Variants in COG7 observed in about 807,000 individuals in gnomAD.
The protein encoded by COG7 is conserved oligomeric Golgi complex subunit 7.
A neutral mutation model predicts 91.5 loss-of-function variants in COG7; 49 were observed. That is an observed-to-expected ratio of 0.54 (90% CI 0.43 to 0.68). COG7 has a LOEUF of 0.68. Among genes scored for constraint, COG7 ranks in the 30% least tolerant of loss-of-function variants. The pLI, the probability that COG7 is intolerant of heterozygous loss-of-function variation, is 0.00. For missense variants in COG7, 895 were observed against 961.3 expected, an observed-to-expected ratio of 0.93 and a Z score of 0.91; for synonymous variants, 365 against 388.7, an observed-to-expected ratio of 0.94 and a Z score of 0.72.
chr16:23,389,245 C>G (rs1963148521), intron 16 of COG7, among the ~76,000 whole-genome samples, 159 bp from the exon 17 acceptor site: 1 of 152,122 alleles, frequency 6.6e-6, no homozygotes, highest in Non-Finnish European at 1.5e-5. Context: ...CTTTACTCAC[C>G]AGGTTCTTCC....
At chr16:23,440,604 T>C (rs1964085401) in intron 4 of COG7, among the ~76,000 whole-genome samples, 1 of 151,688 alleles carries the variant, frequency 6.6e-6, no homozygotes, top group African/African-American at 2.4e-5. Context: ...ACTACAAGCG[T>C]GCGCTACCAT....
chr16:23,424,892 GC>G lies in COG7; in HGVS notation c.865del (p.Ala289ProfsTer54), dbSNP rs1567340176. 2 of 1,614,078 alleles carry G rather than the reference GC, an allele frequency of 1.2e-6. No individual in the cohort carries two copies. The highest frequency in any genetic ancestry group is 3.3e-5 in the Admixed American group (2 of 60,004). ...VMVLLIQTLG[A>X]LMPSLPSCLS... is the part of the protein sequence containing the mutation. ...GCAGGAGGGCAGCGAGGGCATGAGGGCCCCCAGGGTCTGAATCAGCAGCACC... is the reference window on the plus strand; with the variant it reads ...GCAGGAGGGCAGCGAGGGCATGAGGGCCCCAGGGTCTGAATCAGCAGCACC... On this transcript the variant is annotated frameshift_variant, in exon 7 of 17. Coordinates refer to ENST00000307149, the MANE Select transcript of COG7 (RefSeq NM_153603.4). LOFTEE classifies it high-confidence loss of function.
intron 9 of COG7, 117 bp downstream of exon 9, chr16:23,416,850 G>T: frequency 3.4e-6 from 4 of 1,163,492 alleles, no homozygotes; most frequent in Non-Finnish European, 5.0e-6. Flanking sequence ...CATCCTCTTG[G>T]GTTCAGGTGC....
intron 6 of COG7, among the ~76,000 whole-genome samples, chr16:23,428,718 G>C (rs183902807): frequency 2.0e-5 from 3 of 147,906 alleles, no homozygotes; most frequent in African/African-American, 7.5e-5. Flanking sequence ...TTGAGATGGA[G>C]TCTCACTCTG....
In COG7 at chr16:23,439,694, T is replaced by G. The variant is rs74463349; in HGVS notation, c.604+2783A>C. On this transcript the variant is annotated intron_variant, in intron 4 of 16. Transcript: ENST00000307149. ...AATGATGATTGCTGGCAGGTGAGGGTAGGAGGAATGGACAGTTGCTGTTTA... is the reference window on the plus strand; with the variant it reads ...AATGATGATTGCTGGCAGGTGAGGGGAGGAGGAATGGACAGTTGCTGTTTA... Among the ~76,000 whole-genome samples the G allele has an allele frequency of 9.1e-3, 1,379 of 151,990 alleles. 23 individuals carry two copies. The highest frequency in any genetic ancestry group is 0.031 in the African/African-American group (1,302 of 41,436).
intron 6 of COG7, 57 bp downstream of exon 6, chr16:23,433,488 A>G: frequency 1.2e-6 from 2 of 1,611,500 alleles, no homozygotes; most frequent in East Asian, 4.5e-5. Context: ...CGAGGCAGTC[A>G]CCCGTTCCCT....
chr16:23,426,818 C>CAA (rs1176659874), intron 6 of COG7, among the ~76,000 whole-genome samples: 22 of 60,156 alleles, frequency 3.7e-4, no homozygotes, highest in African/African-American at 1.1e-3. Context: ...AGCAATTGGA[C>CAA]AAAAAAAAAA....
At chr16:23,418,595 A>G (rs916274807) in intron 8 of COG7, 105 bp downstream of exon 8, 1 of 1,003,734 alleles carries the variant, frequency 1.0e-6, no homozygotes, top group East Asian at 2.4e-5. Flanking sequence ...CTTAAAGGTC[A>G]TATTTCAGCA....
chr16:23,445,824 G>T lies in COG7; in HGVS notation c.307C>A (p.Gln103Lys). 6.2e-7 allele frequency: 1 copy of T among 1,613,946 alleles called. No individual in the cohort carries two copies. The highest frequency in any genetic ancestry group is 8.5e-7 in the Non-Finnish European group (1 of 1,179,908). ...DIKKFEQDTSQSMQVLVEIDQ... is the reference protein window; with the variant it reads ...DIKKFEQDTSKSMQVLVEIDQ... Reference sequence around the variant, plus strand: ...AGGAGCCAAAATACCTGCATGGATTGAGATGTGTCCTGTTCAAATTTTTTA... The same window carrying T: ...AGGAGCCAAAATACCTGCATGGATTTAGATGTGTCCTGTTCAAATTTTTTA... The change falls in exon 2 of 17, where the codon CAA becomes AAA. Residue 103 changes from glutamine (Q) to lysine (K), a missense_variant. Transcript: ENST00000307149.
chr16:23,414,882 C>T (rs1308431153), intron 9 of COG7: 1 of 152,230 alleles, frequency 6.6e-6, no homozygotes, highest in Non-Finnish European at 1.5e-5. Flanking sequence ...TTGCATGCAT[C>T]ACAAGAGGCC....
chr16:23,436,566 T>A (rs1399064371), intron 4 of COG7, among the ~76,000 whole-genome samples: 2 of 151,982 alleles, frequency 1.3e-5, no homozygotes, highest in South Asian at 2.1e-4. Flanking sequence ...AAACCCCGTC[T>A]CTACTAAAAA....
At chr16:23,398,307 C>T (rs535284670) in intron 13 of COG7, among the ~76,000 whole-genome samples, 178 bp from the exon 14 acceptor site, 4 of 152,320 alleles carry the variant, frequency 2.6e-5, no homozygotes, top group African/African-American at 9.6e-5. Flanking sequence ...AAAGCTTCAC[C>T]TGGAAGCCCG....
Position 23,453,008 on chromosome 16 carries a change from C to A in COG7, c.-14G>T. On this transcript the variant is annotated 5_prime_UTR_variant, in exon 1 of 17. Transcript: ENST00000307149. ...GGAGAAGTCCATGGCGGAACTGCCT[C>A]AGGCCTGGCGTCCAGAACTTAAGAG... 1 of 1,614,010 alleles carries A rather than the reference C, an allele frequency of 6.2e-7. No individual in the cohort carries two copies. Among genetic ancestry groups the A allele is most frequent in the Non-Finnish European group, 8.5e-7 (1 of 1,179,950 alleles).
At chr16:23,409,060 C>T (rs1004178910) in intron 11 of COG7, among the ~76,000 whole-genome samples, 1 of 123,672 alleles carries the variant, frequency 8.1e-6, no homozygotes, top group Non-Finnish European at 1.7e-5. Flanking sequence ...GCACAGTGTG[C>T]ATGCGTGTGT....
intron 14 of COG7, among the ~76,000 whole-genome samples, chr16:23,395,754 T>C (rs1245425677): frequency 2.0e-5 from 3 of 152,208 alleles, no homozygotes; most frequent in Non-Finnish European, 4.4e-5. Context: ...TGGGTATTTG[T>C]CTACTATTCT....
At chr16:23,419,472 G>A (rs1362208655) in intron 7 of COG7, among the ~76,000 whole-genome samples, 1 of 151,698 alleles carries the variant, frequency 6.6e-6, no homozygotes, top group Non-Finnish European at 1.5e-5. Context: ...ACAGAGGCTG[G>A]GCTCGGTGGC....
At chr16:23,425,367 T>A (rs529705632) in intron 6 of COG7, among the ~76,000 whole-genome samples, 4 of 152,280 alleles carry the variant, frequency 2.6e-5, no homozygotes, top group African/African-American at 9.6e-5. Flanking sequence ...GGTCTCACTC[T>A]GCCACCCAGG....
intron 6 of COG7, among the ~76,000 whole-genome samples, chr16:23,425,980 T>G (rs1383465905): frequency 6.6e-6 from 1 of 151,534 alleles, no homozygotes; most frequent in Non-Finnish European, 1.5e-5. Context: ...TTTGGAGGCC[T>G]AGGTAGGTGG....
chr16:23,398,267 C>A (rs1396644483), intron 13 of COG7, 138 bp from the exon 14 acceptor site: 3 of 719,488 alleles, frequency 4.2e-6, no homozygotes, highest in Admixed American at 4.2e-5. Flanking sequence ...GGAGCCTCCA[C>A]CACTCAGCAG....
Sources: allele counts gnomAD v4.1 joint callset (sites outside exome capture counted in the v4.1 genomes callset), GRCh38; gene constraint gnomAD v4.1.1; transcripts MANE v1.5; gene names NCBI Gene and HGNC (gene_info 2026-07-23, HGNC 2026-07-21).